The following SUMF1 variants were observed in gnomAD, a reference collection of about 807,000 sequenced individuals.
SUMF1 encodes formylglycine-generating enzyme.
A neutral mutation model predicts 47.6 loss-of-function variants in SUMF1; 48 were observed. The observed-to-expected ratio is 1.01, with a 90% CI of 0.80 to 1.28. The LOEUF (loss-of-function observed/expected upper bound fraction) is 1.28, where lower values mean the gene tolerates loss of function less well. Ranked by LOEUF, SUMF1 falls within the 50% of genes most tolerant of loss-of-function variation. SUMF1 has a pLI of 0.00. For missense variants in SUMF1, 571 were observed against 485.4 expected (o/e 1.18, Z -1.66); for synonymous variants, 230 against 192.1 (o/e 1.20, Z -1.63).
intron 7 of SUMF1, among the ~76,000 whole-genome samples, chr3:4,386,501 T>TC: frequency 6.6e-6 from 1 of 152,126 alleles, no homozygotes; most frequent in East Asian, 1.9e-4. Flanking sequence ...TTTTGGTAGA[T>TC]TCCTTGGGAC....
At chr3:4,417,574 C>T (rs1434937165) in intron 5 of SUMF1, among the ~76,000 whole-genome samples, 3 of 152,192 alleles carry the variant, frequency 2.0e-5, no homozygotes, top group African/African-American at 4.8e-5. Flanking sequence ...CACCACACCA[C>T]ACTTTTTTAT....
chr3:4,382,966 T>A (rs955976286), intron 7 of SUMF1, among the ~76,000 whole-genome samples: 3 of 152,070 alleles, frequency 2.0e-5, no homozygotes, highest in Non-Finnish European at 1.5e-5. Flanking sequence ...AAATACCTAA[T>A]GTAGGTGACG....
At chr3:4,130,265 C>G (rs1282060758) in intron 8 of SUMF1, among the ~76,000 whole-genome samples, 2 of 152,190 alleles carry the variant, frequency 1.3e-5, no homozygotes, top group Non-Finnish European at 2.9e-5. Flanking sequence ...AGCAAATTAA[C>G]ACATCTCCTG....
intron 8 of SUMF1, among the ~76,000 whole-genome samples, chr3:4,075,871 C>G (rs1018541456): frequency 2.0e-5 from 3 of 152,118 alleles, no homozygotes; most frequent in Non-Finnish European, 4.4e-5. Context: ...ATTCCATGCT[C>G]ATGGATAGAA....
chr3:4,460,053 G>A (rs2079769033), intron 1 of SUMF1, among the ~76,000 whole-genome samples: 1 of 152,160 alleles, frequency 6.6e-6, no homozygotes, highest in Admixed American at 6.5e-5. Flanking sequence ...GATAAAAAAG[G>A]ATGCTTTTGA....
chr3:4,096,013 G>A (rs1692894965), intron 8 of SUMF1, among the ~76,000 whole-genome samples: 1 of 152,096 alleles, frequency 6.6e-6, no homozygotes, highest in Non-Finnish European at 1.5e-5. Context: ...TTAACTGTAT[G>A]GGATTATGGT....
intron 8 of SUMF1, among the ~76,000 whole-genome samples, chr3:4,346,082 G>A (rs1428527129): frequency 1.3e-5 from 2 of 152,212 alleles, no homozygotes; most frequent in East Asian, 3.9e-4. Context: ...AATAGTGGGA[G>A]ACTTCAACAC....
chr3:4,038,333 G>A (rs1183306402), intron 9 of SUMF1, among the ~76,000 whole-genome samples: 1 of 152,088 alleles, frequency 6.6e-6, no homozygotes, highest in Non-Finnish European at 1.5e-5. Context: ...GTGATGGGGT[G>A]GAGTCTGTGG....
intron 8 of SUMF1, among the ~76,000 whole-genome samples, chr3:4,300,204 C>G (rs892966999): frequency 6.6e-6 from 1 of 152,084 alleles, no homozygotes; most frequent in African/African-American, 2.4e-5. Context: ...GGCACCTGCC[C>G]CAACCCCCAC....
chr3:4,375,474 A>C (rs1700299738), intron 8 of SUMF1, among the ~76,000 whole-genome samples: 1 of 152,170 alleles, frequency 6.6e-6, no homozygotes, highest in South Asian at 2.1e-4. Flanking sequence ...TTTTATATAG[A>C]TCCCAGATGA....
At chr3:4,323,642 C>A (rs1469983540) in intron 8 of SUMF1, among the ~76,000 whole-genome samples, 3 of 152,042 alleles carry the variant, frequency 2.0e-5, no homozygotes, top group African/African-American at 7.2e-5. Flanking sequence ...CACCTGGTAC[C>A]TCTGGTTTAG....
chr3:4,170,659 G>C (rs552106110), intron 8 of SUMF1, among the ~76,000 whole-genome samples: 1 of 152,174 alleles, frequency 6.6e-6, no homozygotes, highest in African/African-American at 2.4e-5. Context: ...ACAGAGTAGA[G>C]AGTCTGGGAT....
intron 8 of SUMF1, among the ~76,000 whole-genome samples, chr3:4,111,212 A>T (rs1574893048): frequency 6.6e-6 from 1 of 152,028 alleles, no homozygotes; most frequent in East Asian, 1.9e-4. Context: ...GGTATAGGAA[A>T]ATTTGGCCCT....
chr3:4,039,219 T>TTTTA lies in SUMF1; in HGVS notation c.1191+29349_1191+29350insTAAA, dbSNP rs1454738343. 7.2e-5 allele frequency among the ~76,000 whole-genome samples: 9 copies of TTTTA among 125,778 alleles called. No homozygotes were observed. The East Asian group carries it at 1.9e-3, about 27-fold the overall frequency. The allele number at this position is 125,778 out of a possible 152,430, so 82.5% of individuals were successfully genotyped here. On this transcript the variant is annotated intron_variant and NMD_transcript_variant, in intron 9 of 12. Transcript: ENST00000448413. ...GAAACATCTATGCAAATTTTTTTTT[T>TTTTA]TTTTTTTTTTTTTTTATTATACTCT...
chr3:4,105,579 G>T (rs935389934), intron 8 of SUMF1, among the ~76,000 whole-genome samples: 2 of 151,976 alleles, frequency 1.3e-5, no homozygotes, highest in Non-Finnish European at 2.9e-5. Context: ...TTTGGGTCCA[G>T]GTAATCTGGA....
chr3:4,214,417 G>A (rs2125166860), intron 8 of SUMF1, among the ~76,000 whole-genome samples: 1 of 152,228 alleles, frequency 6.6e-6, no homozygotes, highest in East Asian at 1.9e-4. Context: ...ACTGTGTAAG[G>A]GAAATTTATA....
intron 6 of SUMF1, among the ~76,000 whole-genome samples, chr3:4,412,875 C>A (rs529548530): frequency 6.6e-6 from 1 of 152,074 alleles, no homozygotes; most frequent in Non-Finnish European, 1.5e-5. Flanking sequence ...GGTGACACAG[C>A]GAGATTACGT....
intron 8 of SUMF1, among the ~76,000 whole-genome samples, chr3:4,273,475 CAG>C (rs1451491639): frequency 6.6e-6 from 1 of 151,704 alleles, no homozygotes; most frequent in Non-Finnish European, 1.5e-5. Flanking sequence ...TCTATAGAAA[CAG>C]AAAGTAGATC....
At chr3:4,259,484 T>C (rs1444818226) in intron 8 of SUMF1, among the ~76,000 whole-genome samples, 2 of 152,316 alleles carry the variant, frequency 1.3e-5, no homozygotes, top group African/African-American at 2.4e-5. Flanking sequence ...TATTTACATA[T>C]TTCTGTCTTT....
Sources: gnomAD v4.1 joint callset for allele counts (sites outside exome capture counted in the v4.1 genomes callset) on GRCh38, gnomAD v4.1.1 for gene constraint, MANE v1.5 for transcripts, NCBI Gene and HGNC (gene_info 2026-07-23, HGNC 2026-07-21) for gene names.